PIK3C2G: variants seen among roughly 807,000 people sequenced by gnomAD.
PIK3C2G encodes phosphatidylinositol-4-phosphate 3-kinase catalytic subunit type 2 gamma.
Under a neutral mutation model 181.1 loss-of-function variants are expected in PIK3C2G, and 168 were observed. That is an observed-to-expected ratio of 0.93 (90% CI 0.82 to 1.05). The LOEUF is 1.05. Ranked by LOEUF, PIK3C2G falls within the 50% of genes least tolerant of loss-of-function variation. The pLI is 0.00. For missense variants in PIK3C2G, 1,869 were observed against 1,732.8 expected, an observed-to-expected ratio of 1.08 and a Z score of -1.40; for synonymous variants, 573 against 592.2, an observed-to-expected ratio of 0.97 and a Z score of 0.47.
chr12:18,352,511 G>C (rs565253600), intron 11 of PIK3C2G, among the ~76,000 whole-genome samples: 24 of 152,250 alleles, frequency 1.6e-4, no homozygotes, highest in South Asian at 1.5e-3. Context: ...TGTCTAGGAG[G>C]GGTACTCAAA....
chr12:18,261,826 CT>C (rs770246261), intron 1 of PIK3C2G, among the ~76,000 whole-genome samples: 2 of 152,010 alleles, frequency 1.3e-5, no homozygotes, highest in African/African-American at 2.4e-5. Flanking sequence ...TCTTTCCCCC[CT>C]CCCTCTGCCT....
At chr12:18,655,119 G>T in the PIK3C2G span, among the ~76,000 whole-genome samples, 2 of 152,140 alleles carry the variant, frequency 1.3e-5, no homozygotes, top group Admixed American at 1.3e-4. Context: ...GGAAAATACT[G>T]TTAAAGACTT....
chr12:18,257,648 AAAAG>A (rs2136977348), upstream of PIK3C2G, among the ~76,000 whole-genome samples: 1 of 151,868 alleles, frequency 6.6e-6, no homozygotes, highest in Non-Finnish European at 1.5e-5. Context: ...AAAAGAAAAG[AAAAG>A]AAAGAAGGAA....
chr12:18,627,029 T>G (rs975496584), intron 31 of PIK3C2G, among the ~76,000 whole-genome samples: 1 of 151,986 alleles, frequency 6.6e-6, no homozygotes, highest in East Asian at 1.9e-4. Context: ...GGTCTCTTGA[T>G]GGTGTACCAA....
At chr12:18,667,250 C>T in the PIK3C2G span, among the ~76,000 whole-genome samples, 2,042 of 152,240 alleles carry the variant, frequency 0.013, 54 homozygotes, top group African/African-American at 0.048. Context: ...CTTCTTAGAG[C>T]TATGACAGCA....
chr12:18,501,617 G>A (rs914928145), intron 22 of PIK3C2G, among the ~76,000 whole-genome samples: 3 of 152,150 alleles, frequency 2.0e-5, no homozygotes, highest in Admixed American at 6.5e-5. Flanking sequence ...AATTATGTTC[G>A]AAGAATTTAA....
At chr12:18,655,750 GA>G in the PIK3C2G span, among the ~76,000 whole-genome samples, 12,741 of 144,984 alleles carry the variant, frequency 0.088, 595 homozygotes, top group East Asian at 0.18. Flanking sequence ...ACCTTATCAT[GA>G]AAAAAAAAAA....
At chr12:18,488,931 GA>G (rs1940307809) in intron 19 of PIK3C2G, among the ~76,000 whole-genome samples, 1 of 152,120 alleles carries the variant, frequency 6.6e-6, no homozygotes, top group African/African-American at 2.4e-5. Flanking sequence ...CGTCAATATG[GA>G]GGCACAATTC....
the PIK3C2G span, chr12:18,705,189 G>A: frequency 1.9e-6 from 3 of 1,614,028 alleles, no homozygotes; most frequent in Admixed American, 1.7e-5. Flanking sequence ...AGAGTATCAG[G>A]AAAATCATCA....
At chr12:18,633,216 C>A (rs1591719318) in intron 31 of PIK3C2G, among the ~76,000 whole-genome samples, 1 of 152,072 alleles carries the variant, frequency 6.6e-6, no homozygotes, top group Non-Finnish European at 1.5e-5. Context: ...TGCTTAAATA[C>A]TATGATATTA....
intron 24 of PIK3C2G, among the ~76,000 whole-genome samples, chr12:18,521,337 G>A (rs1012127199): frequency 1.5e-4 from 23 of 152,336 alleles, no homozygotes; most frequent in African/African-American, 5.3e-4. Context: ...CAATTCTTCA[G>A]AACTAGCAGG....
intron 29 of PIK3C2G, among the ~76,000 whole-genome samples, chr12:18,593,328 CA>C (rs1160569166): frequency 1.3e-5 from 2 of 151,174 alleles, no homozygotes; most frequent in Non-Finnish European, 3.0e-5. Context: ...TTTTTTTTTC[CA>C]TTGTAAGCGG....
At chr12:18,641,323 T>C (rs1365319756) in intron 32 of PIK3C2G, among the ~76,000 whole-genome samples, 1 of 152,190 alleles carries the variant, frequency 6.6e-6, no homozygotes, top group African/African-American at 2.4e-5. Context: ...ATGTGGATTC[T>C]GACCTTTATT....
chr12:18,689,699 T>C, the PIK3C2G span, among the ~76,000 whole-genome samples: 2 of 152,180 alleles, frequency 1.3e-5, no homozygotes, highest in African/African-American at 4.8e-5. Flanking sequence ...CCATAAGATT[T>C]TGGATTTAGA....
Position 18,277,665 on chromosome 12 carries a change from A to G in PIK3C2G, c.-78-4339A>G, listed in dbSNP as rs544874162. 3.9e-5 allele frequency among the ~76,000 whole-genome samples: 6 copies of G among 152,288 alleles called. No homozygotes were observed. In the South Asian group the frequency reaches 1.0e-3, roughly 26 times the overall value. On this transcript the variant is annotated intron_variant, in intron 1 of 32. Transcript: ENST00000538779. Reference sequence around the variant, plus strand: ...GCCAGGACTTTTTGGATCAAGAACAAACATTCTCAGAAAGGTTCCTTTTTT... The same window carrying G: ...GCCAGGACTTTTTGGATCAAGAACAGACATTCTCAGAAAGGTTCCTTTTTT...
At chr12:18,407,887 G>C (rs77174542) in intron 16 of PIK3C2G, among the ~76,000 whole-genome samples, 4,458 of 152,190 alleles carry the variant, frequency 0.029, 88 homozygotes, top group Non-Finnish European at 0.049. Flanking sequence ...GAAGTCCAGG[G>C]GAGGAGTACA....
At chr12:18,519,708 CCATTTA>C (rs142503890) in intron 24 of PIK3C2G, among the ~76,000 whole-genome samples, 6,830 of 152,052 alleles carry the variant, frequency 0.045, 241 homozygotes, top group Non-Finnish European at 0.067. Context: ...GACATTTAGC[CCATTTA>C]CATTTAAGAT....
chr12:18,491,983 G>A (rs955680297), intron 20 of PIK3C2G, among the ~76,000 whole-genome samples: 1 of 152,058 alleles, frequency 6.6e-6, no homozygotes. Context: ...ATTTTGATTC[G>A]ATTTAAAATT....
intron 31 of PIK3C2G, among the ~76,000 whole-genome samples, chr12:18,636,328 G>T (rs760449875): frequency 6.6e-5 from 10 of 152,128 alleles, no homozygotes; most frequent in Non-Finnish European, 1.5e-4. Flanking sequence ...TGCCTCGTGG[G>T]TTCAAAGGAA....
Sources: allele counts gnomAD v4.1 joint callset (sites outside exome capture counted in the v4.1 genomes callset), GRCh38; gene constraint gnomAD v4.1.1; transcripts MANE v1.5; gene names NCBI Gene and HGNC (gene_info 2026-07-23, HGNC 2026-07-21).